FAT4: variants seen among roughly 807,000 people sequenced by gnomAD.
FAT4 encodes the protein FAT atypical cadherin 4.
A neutral mutation model predicts 303.9 loss-of-function variants in FAT4; 84 were observed. The ratio of observed to expected loss-of-function variants is 0.28; its 90% CI spans 0.23 to 0.33. The LOEUF (loss-of-function observed/expected upper bound fraction) is 0.33, where lower values mean the gene tolerates loss of function less well. Among genes scored for constraint, FAT4 ranks in the 10% least tolerant of loss-of-function variants. FAT4 has a pLI of 1.00. For missense variants in FAT4, 6,005 were observed against 6,146.8 expected (o/e 0.98, Z 0.77); for synonymous variants, 2,307 against 2,298.8 (o/e 1.00, Z -0.10).
At chr4:125,375,902 T>A (rs1733295660) in intron 2 of FAT4, among the ~76,000 whole-genome samples, 1 of 151,848 alleles carries the variant, frequency 6.6e-6, no homozygotes, top group African/African-American at 2.4e-5. Flanking sequence ...CAAAACTGCA[T>A]TTTTTTTGCA....
chr4:125,450,970 A>G lies in FAT4; in HGVS notation c.9960A>G (p.Gly3320=). ...SEAAPKGTIV[G]EVFASDRDLG... ...CAGCTCCTAAAGGTACTATTGTTGG[A>G]GAAGTGTTTGCTAGCGACCGTGATT... Residue 3320 remains glycine, a synonymous_variant, in exon 10 of 18, where the codon GGA becomes GGG. Coordinates refer to ENST00000394329, the MANE Select transcript of FAT4 (RefSeq NM_001291303.3). The G allele has an allele frequency of 1.9e-6, 3 of 1,614,146 alleles. No homozygotes were observed. The highest frequency in any genetic ancestry group is 2.5e-6 in the Non-Finnish European group (3 of 1,180,022).
At chr4:125,394,195 G>T (rs1483010293) in intron 2 of FAT4, among the ~76,000 whole-genome samples, 1 of 152,174 alleles carries the variant, frequency 6.6e-6, no homozygotes, top group African/African-American at 2.4e-5. Context: ...CAGATTTTCA[G>T]AATTGATACC....
At chr4:125,484,513 G>A (rs1334876023) in intron 16 of FAT4, among the ~76,000 whole-genome samples, 1 of 151,940 alleles carries the variant, frequency 6.6e-6, no homozygotes, top group Non-Finnish European at 1.5e-5. Context: ...ATTGGAATAA[G>A]GAATTCAAAG....
At chr4:125,377,202 C>A (rs569900581) in intron 2 of FAT4, among the ~76,000 whole-genome samples, 2 of 151,950 alleles carry the variant, frequency 1.3e-5, no homozygotes, top group Non-Finnish European at 2.9e-5. Flanking sequence ...TGTTATAGAA[C>A]TTTTTGATCA....
chr4:125,317,207 G>A lies in FAT4; in HGVS notation c.796G>A (p.Gly266Ser). Residue 266 changes from glycine to serine, a missense_variant, in exon 2 of 18, where the codon GGT becomes AGT. Coordinates refer to ENST00000394329, the MANE Select transcript of FAT4 (RefSeq NM_001291303.3). The surrounding 1 kb of genome is among the most constrained non-coding windows in gnomAD (Gnocchi z 7.0). Reference protein sequence around the residue: ...QAGVPEDAVVGSSVLQVAAAD... With the variant: ...QAGVPEDAVVSSSVLQVAAAD... Reference sequence around the variant, plus strand: ...GGGGGTGCCTGAGGACGCGGTTGTGGGTTCCAGCGTCCTCCAGGTGGCGGC... The same window carrying A: ...GGGGGTGCCTGAGGACGCGGTTGTGAGTTCCAGCGTCCTCCAGGTGGCGGC... The A allele has an allele frequency of 6.3e-7, 1 of 1,588,550 alleles. No homozygotes were observed. The highest frequency in any genetic ancestry group is 8.6e-7 in the Non-Finnish European group (1 of 1,164,890).
In FAT4 at chr4:125,319,072, T is replaced by G. The variant is rs1730797879; in HGVS notation, c.2661T>G (p.Asn887Lys). The change falls in exon 2 of 18, where the codon AAT (asparagine) becomes AAG (lysine). Residue 887 changes from asparagine to lysine, a missense_variant. Physicochemically the swap from Asn to Lys is moderately conservative, Grantham distance 94. Coordinates refer to ENST00000394329, the MANE Select transcript of FAT4 (RefSeq NM_001291303.3). Reference protein sequence around the residue: ...TMVNITVKDLNDNSPHFLQAI... With the variant: ...TMVNITVKDLKDNSPHFLQAI... Reference sequence around the variant, plus strand: ...TTAACATAACAGTTAAGGATTTGAATGACAACTCTCCCCATTTCCTTCAGG... The same window carrying G: ...TTAACATAACAGTTAAGGATTTGAAGGACAACTCTCCCCATTTCCTTCAGG... The G allele has an allele frequency of 6.2e-7, 1 of 1,614,064 alleles. No individual in the cohort carries two copies. The highest frequency in any genetic ancestry group is 1.3e-5 in the African/African-American group (1 of 74,916).
intron 5 of FAT4, among the ~76,000 whole-genome samples, chr4:125,409,958 G>T (rs4834030): frequency 0.99 from 151,200 of 152,244 alleles, 75,087 homozygotes; most frequent in Middle Eastern, 1. Context: ...ATTTAGAATT[G>T]CCTTATTCTT....
Position 125,434,244 on chromosome 4 carries a change from G to T in FAT4, c.7019-1G>T. Reference sequence around the variant, plus strand: ...GAGACTTGATTTTCTTTTCTTTTTAGGATCCCCTGCCTTGACTGGAACTGG... The same window carrying T: ...GAGACTTGATTTTCTTTTCTTTTTATGATCCCCTGCCTTGACTGGAACTGG... On this transcript the variant is annotated splice_acceptor_variant, in intron 7 of 17. Coordinates refer to ENST00000394329, the MANE Select transcript of FAT4 (RefSeq NM_001291303.3). LOFTEE classifies it high-confidence loss of function. The T allele has an allele frequency of 6.3e-7, 1 of 1,599,214 alleles. No homozygotes were observed.
At position 125,491,203 on chromosome 4, in the gene FAT4, G is replaced by A. The variant is rs767467298; in HGVS notation, c.14387G>A (p.Arg4796Lys). 3.7e-6 allele frequency: 6 copies of A among 1,613,972 alleles called. No homozygotes were observed. Among genetic ancestry groups the A allele is most frequent in the African/African-American group, 1.3e-5 (1 of 74,914 alleles). ...PVGLSIEEVE[R>K]LNTPRPRNPS... is the part of the protein sequence containing the mutation. ...GGACTTTCTATTGAAGAAGTGGAGA[G>A]GCTCAACACACCTCGCCCTAGAAAC... The change falls in exon 18 of 18, where the codon AGG (arginine) becomes AAG (lysine). Residue 4796 changes from arginine to lysine, a missense_variant. Physicochemically the swap from Arg to Lys is conservative, Grantham distance 26 (BLOSUM62 2). Coordinates refer to ENST00000394329, the MANE Select transcript of FAT4 (RefSeq NM_001291303.3).
At chr4:125,347,047 A>G (rs868462605) in intron 2 of FAT4, among the ~76,000 whole-genome samples, 6 of 152,090 alleles carry the variant, frequency 3.9e-5, no homozygotes, top group South Asian at 2.1e-4. Flanking sequence ...CTTGAAAGAA[A>G]TCAGGTGAGA....
At chr4:125,421,821 C>T (rs1724905472) in intron 7 of FAT4, among the ~76,000 whole-genome samples, 1 of 151,890 alleles carries the variant, frequency 6.6e-6, no homozygotes. Flanking sequence ...AACTTGCAGA[C>T]CCAGGTAGTA....
At chr4:125,357,872 A>T (rs997720661) in intron 2 of FAT4, among the ~76,000 whole-genome samples, 2 of 152,172 alleles carry the variant, frequency 1.3e-5, no homozygotes, top group Non-Finnish European at 2.9e-5. Context: ...CCAACAGATT[A>T]ATGAAGTAAC....
intron 8 of FAT4, among the ~76,000 whole-genome samples, chr4:125,437,029 A>G (rs1192117529): frequency 6.6e-6 from 1 of 151,778 alleles, no homozygotes; most frequent in African/African-American, 2.4e-5. Flanking sequence ...TAATTTTTGT[A>G]TTTTTAGTTG....
chr4:125,429,396 G>A (rs1393296254), intron 7 of FAT4, among the ~76,000 whole-genome samples: 8 of 152,214 alleles, frequency 5.3e-5, no homozygotes, highest in South Asian at 2.1e-4. Context: ...TTAATAGGAC[G>A]TGACTGGAGT....
In FAT4 at chr4:125,321,561, C is replaced by T; in HGVS notation, c.5150C>T (p.Ala1717Val). Reference protein sequence around the residue: ...VDVYAIEKSTAFPRTQRAEVE... With the variant: ...VDVYAIEKSTVFPRTQRAEVE... ...GTTTATGCCATAGAAAAATCAACTG[C>T]TTTTCCCAGAACACAGAGAGCAGAG... Residue 1717 changes from alanine to valine, a missense_variant, in exon 2 of 18, where the codon GCT becomes GTT. Physicochemically the swap from Ala to Val is moderately conservative, Grantham distance 64. Transcript: ENST00000394329. The T allele has an allele frequency of 1.9e-6, 3 of 1,611,272 alleles. No individual in the cohort carries two copies. Among genetic ancestry groups the T allele is most frequent in the South Asian group, 1.1e-5 (1 of 90,850 alleles).
At chr4:125,398,045 G>T (rs1578596430) in intron 2 of FAT4, among the ~76,000 whole-genome samples, 3 of 152,084 alleles carry the variant, frequency 2.0e-5, no homozygotes, top group South Asian at 4.1e-4. Context: ...ACTCAAAAGA[G>T]AAAATACAGA....
intron 10 of FAT4, among the ~76,000 whole-genome samples, chr4:125,458,364 A>G (rs956375342): frequency 6.6e-6 from 1 of 152,010 alleles, no homozygotes; most frequent in African/African-American, 2.4e-5. Flanking sequence ...ATTTGCTTTC[A>G]TAAAGATGGA....
intron 2 of FAT4, among the ~76,000 whole-genome samples, chr4:125,344,242 C>A (rs561470660): frequency 1.3e-5 from 2 of 152,178 alleles, no homozygotes; most frequent in East Asian, 3.9e-4. Flanking sequence ...CTCTTGATTC[C>A]CCTTTTCTGT....
chr4:125,428,428 G>C (rs1411397499), intron 7 of FAT4, among the ~76,000 whole-genome samples: 5 of 152,164 alleles, frequency 3.3e-5, no homozygotes, highest in African/African-American at 1.2e-4. Context: ...TATAAAATGT[G>C]ACTCACACAA....
Sources: gnomAD v4.1 joint callset for allele counts (sites outside exome capture counted in the v4.1 genomes callset) on GRCh38, gnomAD v4.1.1 for gene constraint, Gnocchi (gnomAD v3.1) non-coding constraint, MANE v1.5 for transcripts, NCBI Gene and HGNC (gene_info 2026-07-23, HGNC 2026-07-21) for gene names.